LMO3: variants seen among roughly 807,000 people sequenced by gnomAD.
The protein encoded by LMO3 is LIM domain only protein 3.
LMO3 carries 2 observed loss-of-function variants against 15.8 expected under a neutral mutation model. The ratio of observed to expected loss-of-function variants is 0.13; its 90% confidence interval spans 0.05 to 0.40. The LOEUF (loss-of-function observed/expected upper bound fraction) is 0.40. LMO3 is among the 10% of genes least tolerant of loss of function. LMO3 has a pLI of 0.99. For missense variants in LMO3, 86 were observed against 182.2 expected, an observed-to-expected ratio of 0.47 and a Z score of 3.04; for synonymous variants, 62 against 63.8, an observed-to-expected ratio of 0.97 and a Z score of 0.13.
At chr12:16,558,956 T>A (rs1271017650) in intron 3 of LMO3, among the ~76,000 whole-genome samples, 1 of 152,162 alleles carries the variant, frequency 6.6e-6, no homozygotes, top group Admixed American at 6.5e-5. Context: ...TTAAGTAACA[T>A]ACTCAAGATC....
At chr12:16,600,586 A>G in intron 2 of LMO3, 69 bp downstream of exon 2, 1 of 1,384,226 alleles carries the variant, frequency 7.2e-7, no homozygotes, top group African/African-American at 1.4e-5. Flanking sequence ...ACAAGCAAAC[A>G]AAAAATACAC....
chr12:16,595,743 T>G (rs1943631473), intron 2 of LMO3, among the ~76,000 whole-genome samples: 1 of 151,414 alleles, frequency 6.6e-6, no homozygotes, highest in Non-Finnish European at 1.5e-5. Flanking sequence ...ACTTAGACAT[T>G]CAAACATAAA....
chr12:16,568,192 C>T (rs1031669967), intron 2 of LMO3, among the ~76,000 whole-genome samples: 7 of 152,158 alleles, frequency 4.6e-5, no homozygotes, highest in Non-Finnish European at 7.3e-5. Flanking sequence ...CTACACAAGA[C>T]TTGTAAGAAC....
rs915977650 is a variant in LMO3 at position 16,589,506 on chromosome 12, T to C, written c.206+11149A>G. 4 of 152,112 alleles carry C rather than the reference T, an allele frequency of 2.6e-5. No individual in the cohort carries two copies. Among genetic ancestry groups the C allele is most frequent in the Non-Finnish European group, 4.4e-5 (3 of 68,002 alleles). The allele number at this position is 152,112 out of a possible 1,614,324, so 9.4% of individuals were successfully genotyped here. ...TAAGAAAAATTAATTTAAAATCTCC[T>C]GAAAAATTATGTCTTTTTTAGGTTG... On this transcript the variant is annotated intron_variant, in intron 2 of 3. Coordinates refer to ENST00000537304, the MANE Select transcript of LMO3 (RefSeq NM_018640.5). The surrounding 1 kb of genome is among the most constrained non-coding windows in gnomAD (Gnocchi z 4.2).
intron 2 of LMO3, among the ~76,000 whole-genome samples, chr12:16,592,601 C>T (rs570143727): frequency 1.3e-5 from 2 of 152,032 alleles, no homozygotes; most frequent in African/African-American, 2.4e-5. Context: ...GGTAAAGGAA[C>T]AGGTACTGAT....
chr12:16,588,980 T>A (rs192795689), intron 2 of LMO3, among the ~76,000 whole-genome samples: 136 of 152,140 alleles, frequency 8.9e-4, no homozygotes, highest in Non-Finnish European at 1.6e-3. Flanking sequence ...ATTTTATGAA[T>A]AGGATTCCTA....
Position 16,589,407 on chromosome 12 carries a change from A to T in LMO3, c.206+11248T>A, listed in dbSNP as rs1943421177. The T allele has an allele frequency of 6.6e-6, 1 of 152,126 alleles. No homozygotes were observed. The highest frequency in any genetic ancestry group is 1.5e-5 in the Non-Finnish European group (1 of 68,006). The allele number at this position is 152,126 out of a possible 1,614,324, so 9.4% of individuals were successfully genotyped here. ...AGTATAAGCTTGTGGCTTTACTTTT[A>T]CTTGTGACTTCACAGTAAAAAATTA... is the stretch of plus-strand genomic sequence containing the variant. On this transcript the variant is annotated intron_variant, in intron 2 of 3. Coordinates refer to ENST00000537304, the MANE Select transcript of LMO3 (RefSeq NM_018640.5). This position sits in a 1 kb window ranked among gnomAD's most constrained non-coding sequence, Gnocchi z 4.2.
chr12:16,564,968 T>A lies in LMO3; in HGVS notation c.207-4430A>T, dbSNP rs138971613. ...ACTTGGCTAATTTTTAAAAAAAAAA[T>A]TTGTAGAGATGGGGTCTCTCTCTGT... On this transcript the variant is annotated intron_variant, in intron 2 of 3. Transcript: ENST00000537304. 5.1e-3 allele frequency among the ~76,000 whole-genome samples: 779 copies of A among 151,974 alleles called. 9 individuals are homozygous for A. Among genetic ancestry groups the A allele is most frequent in the African/African-American group, 0.018 (752 of 41,446 alleles).
chr12:16,572,740 C>T (rs886291214), intron 2 of LMO3, among the ~76,000 whole-genome samples: 8 of 149,154 alleles, frequency 5.4e-5, no homozygotes, highest in Middle Eastern at 3.5e-3. Flanking sequence ...ATATAATGCT[C>T]TGCTCACTGT....
chr12:16,602,480 A>G (rs1943855542), intron 1 of LMO3, among the ~76,000 whole-genome samples: 1 of 152,258 alleles, frequency 6.6e-6, no homozygotes, highest in Non-Finnish European at 1.5e-5. Flanking sequence ...TTGTGTAGGG[A>G]ATGGCAGGAA....
chr12:16,590,344 A>G (rs1432340093), intron 2 of LMO3, among the ~76,000 whole-genome samples: 2 of 152,086 alleles, frequency 1.3e-5, no homozygotes, highest in African/African-American at 4.8e-5. Context: ...GTAATTCACG[A>G]AATTGTTTTA....
intron 2 of LMO3, among the ~76,000 whole-genome samples, chr12:16,570,206 G>C (rs1352013641): frequency 6.6e-6 from 1 of 152,062 alleles, no homozygotes; most frequent in Non-Finnish European, 1.5e-5. Flanking sequence ...AAATTGAATA[G>C]GGTTTTCTAG....
At chr12:16,564,952 A>C (rs548075154) in intron 2 of LMO3, among the ~76,000 whole-genome samples, 7 of 152,080 alleles carry the variant, frequency 4.6e-5, no homozygotes, top group African/African-American at 1.7e-4. Flanking sequence ...GACTTGGCTA[A>C]TTTTTAAAAA....
At position 16,604,675 on chromosome 12, in the gene LMO3, A is replaced by C. The variant is rs1943930542; in HGVS notation, c.-9+1391T>G. 1.6e-6 allele frequency: 1 copy of C among 633,166 alleles called. No homozygotes were observed. Among genetic ancestry groups the C allele is most frequent in the Non-Finnish European group, 2.7e-6 (1 of 368,576 alleles). The allele number at this position is 633,166 out of a possible 1,614,324, so 39.2% of individuals were successfully genotyped here. On this transcript the variant is annotated intron_variant, in intron 1 of 3. Transcript: ENST00000537304. The surrounding 1 kb of genome is among the most constrained non-coding windows in gnomAD (Gnocchi z 5.3). The stretch of plus-strand genomic sequence containing the variant: ...GCAGCCACACAGGGATGGTTTGCAA[A>C]GAATGTAGCAGTATTTGTTGCATCT...
At chr12:16,567,135 G>A (rs141390400) in intron 2 of LMO3, among the ~76,000 whole-genome samples, 137 of 152,256 alleles carry the variant, frequency 9.0e-4, no homozygotes, top group Non-Finnish European at 1.6e-3. Context: ...GGCGGAGGTT[G>A]CAGTGAGCTG....
rs962126947 is a variant in LMO3 at position 16,596,083 on chromosome 12, A to C, written c.206+4572T>G. On this transcript the variant is annotated intron_variant, in intron 2 of 3. Transcript: ENST00000537304. The surrounding 1 kb of genome is among the most constrained non-coding windows in gnomAD (Gnocchi z 4.3). ...TGTACCAATATAAAGCTGACCTTAC[A>C]TAAAAATTTAGAAGCACCAGGTTTG... is the stretch of plus-strand genomic sequence containing the variant. 6.6e-6 allele frequency among the ~76,000 whole-genome samples: 1 copy of C among 151,596 alleles called. No homozygotes were observed. The highest frequency in any genetic ancestry group is 2.1e-4 in the South Asian group (1 of 4,834).
At chr12:16,568,638 C>A (rs908034661) in intron 2 of LMO3, among the ~76,000 whole-genome samples, 9 of 152,196 alleles carry the variant, frequency 5.9e-5, no homozygotes, top group African/African-American at 2.2e-4. Flanking sequence ...ATATTGATTA[C>A]ACATTGAGAT....
In LMO3 at chr12:16,584,355, G is replaced by A. The variant is rs991599299; in HGVS notation, c.206+16300C>T. ...AGAAAAGTTGCCTCCTTAAAGGAGA[G>A]GCAAGTTTCAGGTAAGGCAACAGAT... On this transcript the variant is annotated intron_variant, in intron 2 of 3. Coordinates refer to ENST00000537304, the MANE Select transcript of LMO3 (RefSeq NM_018640.5). The surrounding 1 kb of genome is among the most constrained non-coding windows in gnomAD (Gnocchi z 5.2). Among the ~76,000 whole-genome samples the A allele has an allele frequency of 2.6e-5, 4 of 152,144 alleles. No homozygotes were observed. The highest frequency in any genetic ancestry group is 4.4e-5 in the Non-Finnish European group (3 of 68,030).
intron 2 of LMO3, among the ~76,000 whole-genome samples, chr12:16,578,480 C>G (rs1176618869): frequency 6.6e-6 from 1 of 152,080 alleles, no homozygotes; most frequent in East Asian, 1.9e-4. Context: ...CTGGCCCATG[C>G]TCAGGTCTGA....
Sources: allele counts gnomAD v4.1 joint callset (sites outside exome capture counted in the v4.1 genomes callset), GRCh38; gene constraint gnomAD v4.1.1; non-coding constraint Gnocchi (gnomAD v3.1); transcripts MANE v1.5; gene names NCBI Gene and HGNC (gene_info 2026-07-23, HGNC 2026-07-21).